USF3: variants seen among roughly 807,000 people sequenced by gnomAD.
USF3 encodes basic helix-loop-helix domain-containing protein USF3.
Under a neutral mutation model 157.5 loss-of-function variants are expected in USF3, and 29 were observed. The ratio of observed to expected loss-of-function variants is 0.18; its 90% confidence interval spans 0.14 to 0.25. USF3 has a LOEUF of 0.25. USF3 is among the 10% of genes least tolerant of loss of function. The probability of loss-of-function intolerance (pLI) is 1.00; values close to 1 mark genes in which losing one functional copy is unlikely to be tolerated. For missense variants in USF3, 2,381 were observed against 2,667.6 expected (o/e 0.89, Z 2.37); for synonymous variants, 893 against 941.4 (o/e 0.95, Z 0.94).
intron 5 of USF3, among the ~76,000 whole-genome samples, chr3:113,667,663 T>G (rs2107934918): frequency 6.6e-6 from 1 of 152,150 alleles, no homozygotes; most frequent in East Asian, 1.9e-4. Context: ...GGTCAGGAGT[T>G]TGAGACCAGC....
chr3:113,674,884 C>T lies in USF3; in HGVS notation c.-6G>A, dbSNP rs200413743. The T allele has an allele frequency of 3.7e-4, 589 of 1,610,842 alleles. 1 individual carries two copies. In the Middle Eastern group the frequency reaches 9.7e-3, roughly 27 times the overall value. On this transcript the variant is annotated 5_prime_UTR_variant, in exon 3 of 7. Transcript: ENST00000316407. ...TTCTCTGTCATTTCTGGCATGGTTA[C>T]AGTAATAGGAACCTACAGAAGGATA...
In USF3 at chr3:113,659,229, C is replaced by G. The variant is rs764644549; in HGVS notation, c.2453G>C (p.Arg818Thr). ...GGGGCAGTCTAACTTGCTCACATCTCTGACTGAATTCAGGGGACACGCTGA... is the reference window on the plus strand; with the variant it reads ...GGGGCAGTCTAACTTGCTCACATCTGTGACTGAATTCAGGGGACACGCTGA... ...NKSACPLNSV[R>T]DVSKLDCPNT... The change falls in exon 7 of 7, where the codon AGA becomes ACA. Residue 818 changes from arginine to threonine, a missense_variant. Coordinates refer to ENST00000316407, the MANE Select transcript of USF3 (RefSeq NM_001009899.4). 1 of 1,614,176 alleles carries G rather than the reference C, an allele frequency of 6.2e-7. No individual in the cohort carries two copies. Among genetic ancestry groups the G allele is most frequent in the South Asian group, 1.1e-5 (1 of 91,080 alleles).
chr3:113,655,999 T>C lies in USF3; in HGVS notation c.5683A>G (p.Ile1895Val). 1 of 1,614,212 alleles carries C rather than the reference T, an allele frequency of 6.2e-7. No homozygotes were observed. Among genetic ancestry groups the C allele is most frequent in the Non-Finnish European group, 8.5e-7 (1 of 1,180,042 alleles). ...AINTRNSTLN[I>V]PFSSSSSSGD... ...GAGGAAGAGGAACTTGAAAAAGGAATATTCAAGGTGCTGTTCCTGGTGTTA... is the reference window on the plus strand; with the variant it reads ...GAGGAAGAGGAACTTGAAAAAGGAACATTCAAGGTGCTGTTCCTGGTGTTA... Residue 1895 changes from isoleucine to valine, a missense_variant, in exon 7 of 7, where the codon ATT (isoleucine) becomes GTT (valine). Coordinates refer to ENST00000316407, the MANE Select transcript of USF3 (RefSeq NM_001009899.4).
chr3:113,676,874 A>G (rs1281158867), intron 2 of USF3, among the ~76,000 whole-genome samples: 2 of 152,270 alleles, frequency 1.3e-5, no homozygotes, highest in African/African-American at 4.8e-5. Flanking sequence ...GTGAATCATA[A>G]TAACAGTATT....
At position 113,660,320 on chromosome 3, in the gene USF3, C is replaced by T. The variant is rs1947459595; in HGVS notation, c.1362G>A (p.Val454=). 2.5e-6 allele frequency: 4 copies of T among 1,614,208 alleles called. No homozygotes were observed. Among genetic ancestry groups the T allele is most frequent in the Non-Finnish European group, 3.4e-6 (4 of 1,180,046 alleles). The change falls in exon 7 of 7, where the codon GTG becomes GTA. Residue 454 remains valine, a synonymous_variant. Coordinates refer to ENST00000316407, the MANE Select transcript of USF3 (RefSeq NM_001009899.4). ...TACCAGACTCATTTAATACTGGAGT[C>T]ACAGCAGAAGATGGTGTCTGGCTTA... ...QPLSQTPSSA[V]TPVLNESGTS... is the part of the protein sequence containing the mutation.
Position 113,655,735 on chromosome 3 carries a change from G to T in USF3, c.5947C>A (p.Gln1983Lys), listed in dbSNP as rs1947344431. ...CGAATTTTGGAACCACTGCTGTCTT[G>T]CAGGGGATGCCTTGATCTCTGGGGA... ...SVPQRSRHPL[Q>K]DSSGSKIRQP... Residue 1983 changes from glutamine to lysine, a missense_variant, in exon 7 of 7, where the codon CAA (glutamine) becomes AAA (lysine). By Grantham distance (53) the Gln-to-Lys change is moderately conservative. This residue lies in a region of USF3 where 770 missense variants were observed against 824.2 expected (regional missense o/e 0.93). Coordinates refer to ENST00000316407, the MANE Select transcript of USF3 (RefSeq NM_001009899.4). The T allele has an allele frequency of 6.2e-7, 1 of 1,613,824 alleles. No homozygotes were observed. The highest frequency in any genetic ancestry group is 8.5e-7 in the Non-Finnish European group (1 of 1,179,948).
At chr3:113,665,439 T>C (rs563307006) in intron 5 of USF3, among the ~76,000 whole-genome samples, 6 of 152,378 alleles carry the variant, frequency 3.9e-5, no homozygotes, top group African/African-American at 1.4e-4. Flanking sequence ...TTCCAGTAAA[T>C]TGTATTCCTA....
At position 113,659,102 on chromosome 3, in the gene USF3, A is replaced by C; in HGVS notation, c.2580T>G (p.Ser860Arg). The C allele has an allele frequency of 6.2e-7, 1 of 1,614,184 alleles. No homozygotes were observed. Among genetic ancestry groups the C allele is most frequent in the Non-Finnish European group, 8.5e-7 (1 of 1,180,026 alleles). The part of the protein sequence containing the change: ...SVSVSQANSV[S>R]VSASHSLGVL... ...CACCCAAAGAATGTGAAGCAGAAAC[A>C]CTCACACTATTTGCCTGAGACACAG... Residue 860 changes from serine (S) to arginine (R), a missense_variant, in exon 7 of 7, where the codon AGT (serine) becomes AGG (arginine). By Grantham distance (110) the Ser-to-Arg change is moderately radical. This residue lies in a region of USF3 where 1,435 missense variants were observed against 1,550.9 expected (regional missense o/e 0.93). Coordinates refer to ENST00000316407, the MANE Select transcript of USF3 (RefSeq NM_001009899.4).
At chr3:113,695,906 A>C (rs1435450479) in intron 1 of USF3, among the ~76,000 whole-genome samples, 2 of 152,260 alleles carry the variant, frequency 1.3e-5, no homozygotes, top group African/African-American at 4.8e-5. Flanking sequence ...GGTGAGAGGG[A>C]AAAAGCAAGC....
chr3:113,649,601 G>A lies in USF3; in HGVS notation c.*5343C>T, dbSNP rs1043729672. 28 of 400,870 alleles carry A rather than the reference G, an allele frequency of 7.0e-5. No individual in the cohort carries two copies. Among genetic ancestry groups the A allele is most frequent in the Admixed American group, 1.7e-4 (4 of 22,936 alleles). The allele number at this position is 400,870 out of a possible 1,614,324, so 24.8% of individuals were successfully genotyped here. A position where few individuals can be genotyped will look rare whatever the true frequency, so the allele number is the denominator to read the frequency against. The stretch of plus-strand genomic sequence containing the variant: ...AACATCAGCTGTACTTGTCGAGAAG[G>A]TGTCTGATTACACAGCGTGTACCAT... On this transcript the variant is annotated 3_prime_UTR_variant, in exon 7 of 7. Transcript: ENST00000316407.
intron 1 of USF3, among the ~76,000 whole-genome samples, chr3:113,682,863 G>C (rs975009503): frequency 1.4e-5 from 2 of 144,742 alleles, no homozygotes; most frequent in Non-Finnish European, 3.0e-5. Flanking sequence ...TAAGAGAAGT[G>C]TGTTTGTTGT....
Position 113,650,135 on chromosome 3 carries a change from T to C in USF3, c.*4809A>G. 2.3e-6 allele frequency: 1 copy of C among 435,334 alleles called. No individual in the cohort carries two copies. The allele number at this position is 435,334 out of a possible 1,614,324, so 27.0% of individuals were successfully genotyped here. ...GTAGCATTTATATAGACAACAAAAT[T>C]ACAAAAATGGCTTCCAGGCTCCTAA... On this transcript the variant is annotated 3_prime_UTR_variant, in exon 7 of 7. Transcript: ENST00000316407.
chr3:113,686,191 G>A (rs964456415), intron 1 of USF3, among the ~76,000 whole-genome samples: 1 of 152,164 alleles, frequency 6.6e-6, no homozygotes, highest in Non-Finnish European at 1.5e-5. Context: ...ATTCCCCTCT[G>A]GCAAGGGCTG....
rs1200500146 is a variant in USF3 at position 113,683,943 on chromosome 3, C to T, written c.-134-6546G>A. Among the ~76,000 whole-genome samples, 4 of 152,220 alleles carry T rather than the reference C, an allele frequency of 2.6e-5. No individual in the cohort carries two copies. The East Asian group carries it at 7.7e-4, about 29-fold the overall frequency. On this transcript the variant is annotated intron_variant, in intron 1 of 6. Coordinates refer to ENST00000316407, the MANE Select transcript of USF3 (RefSeq NM_001009899.4). ...TATTCTGTATTTGTCTATGTATTTA[C>T]TGTTACCACGTACCTTCAGACAATT...
intron 1 of USF3, among the ~76,000 whole-genome samples, chr3:113,684,067 T>C (rs1707495038): frequency 6.6e-6 from 1 of 152,232 alleles, no homozygotes; most frequent in Non-Finnish European, 1.5e-5. Flanking sequence ...TCATCTTTTG[T>C]TTGTCTGGGA....
intron 1 of USF3, among the ~76,000 whole-genome samples, chr3:113,690,330 T>C (rs1707656051): frequency 6.6e-6 from 1 of 152,218 alleles, no homozygotes. Context: ...CCTCAGCCTT[T>C]CTCCCATTTG....
Position 113,687,611 on chromosome 3 carries a change from G to A in USF3, c.-135+8759C>T, listed in dbSNP as rs1413609618. Among the ~76,000 whole-genome samples the A allele has an allele frequency of 3.3e-5, 5 of 152,272 alleles. No individual in the cohort carries two copies. In the South Asian group the frequency reaches 1.0e-3, roughly 32 times the overall value. ...TCTGATTCTAATCTAGCACCACAGGGCTCAGTATAGTCTTCCCCCCTGCTT... is the reference window on the plus strand; with the variant it reads ...TCTGATTCTAATCTAGCACCACAGGACTCAGTATAGTCTTCCCCCCTGCTT... On this transcript the variant is annotated intron_variant, in intron 1 of 6. Coordinates refer to ENST00000316407, the MANE Select transcript of USF3 (RefSeq NM_001009899.4).
intron 1 of USF3, among the ~76,000 whole-genome samples, chr3:113,686,773 T>C (rs1356881914): frequency 2.0e-5 from 3 of 152,242 alleles, no homozygotes; most frequent in African/African-American, 7.2e-5. Flanking sequence ...CTTATTCTTT[T>C]TGTTACTTAA....
At position 113,651,397 on chromosome 3, in the gene USF3, T is replaced by A. The variant is rs1313910066; in HGVS notation, c.*3547A>T. 6.6e-6 allele frequency: 1 copy of A among 152,176 alleles called. No homozygotes were observed. The highest frequency in any genetic ancestry group is 1.5e-5 in the Non-Finnish European group (1 of 68,030). The allele number at this position is 152,176 out of a possible 1,614,324, so 9.4% of individuals were successfully genotyped here. ...TTTGGGAGTATGACTTACCACCACA[T>A]GCTGATCCATACATGGTGGGCCCAA... On this transcript the variant is annotated 3_prime_UTR_variant, in exon 7 of 7. Transcript: ENST00000316407.
Sources: allele counts gnomAD v4.1 joint callset (sites outside exome capture counted in the v4.1 genomes callset), GRCh38; gene constraint gnomAD v4.1.1; regional missense constraint gnomAD v4.1.1; transcripts MANE v1.5; gene names NCBI Gene and HGNC (gene_info 2026-07-23, HGNC 2026-07-21).